Variants in RALYL observed in about 807,000 individuals in gnomAD.
RALYL encodes RALY RNA binding protein like.
RALYL carries 29 observed loss-of-function variants against 35.1 expected under a neutral mutation model. That is an observed-to-expected ratio of 0.83 (90% CI 0.61 to 1.13). The LOEUF (loss-of-function observed/expected upper bound fraction) is 1.13. Ranked by LOEUF, RALYL falls within the 50% of genes most tolerant of loss-of-function variation. The pLI is 0.00. For missense variants in RALYL, 359 were observed against 360.4 expected (o/e 1.00, Z 0.03); for synonymous variants, 120 against 127.6 (o/e 0.94, Z 0.40).
chr8:84,891,527 A>G (rs1843842235), intron 8 of RALYL, among the ~76,000 whole-genome samples: 1 of 152,166 alleles, frequency 6.6e-6, no homozygotes, highest in Admixed American at 6.5e-5. Context: ...CACACAGAAA[A>G]TAGCTGATTA....
intron 1 of RALYL, among the ~76,000 whole-genome samples, chr8:84,391,334 A>C: frequency 6.6e-6 from 1 of 151,994 alleles, no homozygotes; most frequent in Admixed American, 6.6e-5. Flanking sequence ...TTTAGGGTTT[A>C]GCTGAAATGT....
intron 1 of RALYL, among the ~76,000 whole-genome samples, chr8:84,362,169 A>AC (rs139945051): frequency 0.01 from 1,566 of 152,290 alleles, 27 homozygotes; most frequent in African/African-American, 0.036. Flanking sequence ...TACACAGAAT[A>AC]CCAGAGAGTA....
intron 2 of RALYL, among the ~76,000 whole-genome samples, chr8:84,530,799 A>G (rs1332090181): frequency 2.0e-5 from 3 of 152,194 alleles, no homozygotes; most frequent in Non-Finnish European, 2.9e-5. Context: ...ATACTGCCAC[A>G]TCTTCAATTC....
intron 2 of RALYL, among the ~76,000 whole-genome samples, chr8:84,556,475 T>C (rs1430174115): frequency 6.6e-6 from 1 of 152,010 alleles, no homozygotes; most frequent in Non-Finnish European, 1.5e-5. Flanking sequence ...TAAGCTCCTA[T>C]CGACCATGAA....
intron 2 of RALYL, among the ~76,000 whole-genome samples, chr8:84,645,041 C>T (rs1487275006): frequency 1.3e-5 from 2 of 152,000 alleles, no homozygotes; most frequent in Non-Finnish European, 2.9e-5. Flanking sequence ...TAAGCCACTG[C>T]ACCTGGCCAA....
intron 1 of RALYL, among the ~76,000 whole-genome samples, chr8:84,446,945 T>G (rs961217897): frequency 6.6e-6 from 1 of 152,140 alleles, no homozygotes; most frequent in African/African-American, 2.4e-5. Flanking sequence ...ATTTTTTATT[T>G]CTATAATTCA....
intron 3 of RALYL, among the ~76,000 whole-genome samples, chr8:84,800,943 C>CTAAA (rs1347836166): frequency 2.0e-5 from 3 of 152,112 alleles, no homozygotes; most frequent in Non-Finnish European, 4.4e-5. Context: ...GCTAGATGCT[C>CTAAA]TAAATAGAAA....
intron 1 of RALYL, among the ~76,000 whole-genome samples, chr8:84,302,809 A>C (rs1455482982): frequency 6.6e-6 from 1 of 152,144 alleles, no homozygotes; most frequent in Non-Finnish European, 1.5e-5. Context: ...CCTTTCTGTC[A>C]ATGAGCATTT....
intron 2 of RALYL, among the ~76,000 whole-genome samples, chr8:84,752,729 G>A (rs1810372650): frequency 6.6e-6 from 1 of 152,116 alleles, no homozygotes; most frequent in Non-Finnish European, 1.5e-5. Flanking sequence ...TTCAAAGGGT[G>A]AAAACCATAA....
chr8:84,862,585 A>T, intron 6 of RALYL, 132 bp downstream of exon 6: 1 of 687,218 alleles, frequency 1.5e-6, no homozygotes, highest in East Asian at 3.4e-5. Flanking sequence ...TTAGAAAATC[A>T]TAAGATGGAT....
chr8:84,468,951 C>T (rs2052223436), intron 1 of RALYL, among the ~76,000 whole-genome samples: 1 of 151,526 alleles, frequency 6.6e-6, no homozygotes, highest in Admixed American at 6.6e-5. Context: ...CCTGAGGCTT[C>T]TGCATTCTTC....
rs1022389297 is a variant in RALYL, at chr8:84,624,358, G to C, written c.256+94781G>C. 1.1e-4 allele frequency among the ~76,000 whole-genome samples: 16 copies of C among 152,300 alleles called. 1 individual carries two copies. The highest frequency in any genetic ancestry group is 1.6e-4 in the Non-Finnish European group (11 of 68,022). On this transcript the variant is annotated intron_variant, in intron 2 of 8. Transcript: ENST00000521268. Reference sequence around the variant, plus strand: ...TGGGCTAAAGTCAAAGTTTCAGTAAGTTTTGTGTTCCTTTTTGGAGGCTAT... The same window carrying C: ...TGGGCTAAAGTCAAAGTTTCAGTAACTTTTGTGTTCCTTTTTGGAGGCTAT...
chr8:84,913,286 C>T (rs944305455), intron 8 of RALYL, among the ~76,000 whole-genome samples: 1 of 151,840 alleles, frequency 6.6e-6, no homozygotes. Context: ...TTGTTCAGGT[C>T]TATAACATGT....
At chr8:84,475,273 C>G (rs1266422465) in intron 1 of RALYL, among the ~76,000 whole-genome samples, 1 of 151,942 alleles carries the variant, frequency 6.6e-6, no homozygotes, top group Non-Finnish European at 1.5e-5. Flanking sequence ...AATGCAGTGG[C>G]ACCATCTTGG....
intron 1 of RALYL, among the ~76,000 whole-genome samples, chr8:84,367,318 A>T (rs1383882606): frequency 6.2e-4 from 17 of 27,402 alleles, no homozygotes; most frequent in East Asian, 3.0e-3. Flanking sequence ...TAATTTTTGT[A>T]TTTTTTTTTT....
intron 1 of RALYL, among the ~76,000 whole-genome samples, chr8:84,476,618 T>C (rs2053452761): frequency 6.6e-6 from 1 of 152,186 alleles, no homozygotes; most frequent in Non-Finnish European, 1.5e-5. Context: ...CTTCTAACCA[T>C]ACATATCAAT....
chr8:84,474,317 T>C (rs2053143427), intron 1 of RALYL, among the ~76,000 whole-genome samples: 1 of 152,202 alleles, frequency 6.6e-6, no homozygotes, highest in Admixed American at 6.5e-5. Flanking sequence ...AAAGGTCATA[T>C]TGTCATTTAC....
chr8:84,590,797 G>A (rs1813073237), intron 2 of RALYL, among the ~76,000 whole-genome samples: 1 of 152,148 alleles, frequency 6.6e-6, no homozygotes, highest in Non-Finnish European at 1.5e-5. Flanking sequence ...CATTTCTGCA[G>A]TCAAACCTGG....
chr8:84,403,522 C>CTTT (rs2043136000), intron 1 of RALYL, among the ~76,000 whole-genome samples: 5 of 52,114 alleles, frequency 9.6e-5, no homozygotes, highest in African/African-American at 2.0e-4. Context: ...GTCTATATCT[C>CTTT]TGTTTTTTTT....
Sources: gnomAD v4.1 joint callset for allele counts (sites outside exome capture counted in the v4.1 genomes callset) on GRCh38, gnomAD v4.1.1 for gene constraint, MANE v1.5 for transcripts, NCBI Gene and HGNC (gene_info 2026-07-23, HGNC 2026-07-21) for gene names.